KLF12: variants seen among roughly 807,000 people sequenced by gnomAD.
KLF12 encodes KLF transcription factor 12, also known as Krueppel-like factor 12.
A neutral mutation model predicts 37.8 loss-of-function variants in KLF12; 9 were observed. The ratio of observed to expected loss-of-function variants is 0.24; its 90% CI spans 0.14 to 0.42. The LOEUF (loss-of-function observed/expected upper bound fraction) is 0.42. KLF12 is among the 10% of genes least tolerant of loss of function. The pLI is 1.00. For missense variants in KLF12, 411 were observed against 516.0 expected, an observed-to-expected ratio of 0.80 and a Z score of 1.97; for synonymous variants, 208 against 202.1, an observed-to-expected ratio of 1.03 and a Z score of -0.25.
chr13:74,066,302 T>C (rs1873912454), intron 1 of KLF12, among the ~76,000 whole-genome samples: 1 of 152,214 alleles, frequency 6.6e-6, no homozygotes, highest in Admixed American at 6.5e-5. Context: ...CACACTTTTC[T>C]TTATCCATAG....
chr13:74,260,129 C>A, the KLF12 span, among the ~76,000 whole-genome samples: 1 of 152,050 alleles, frequency 6.6e-6, no homozygotes, highest in African/African-American at 2.4e-5. Flanking sequence ...AAACTAAATA[C>A]ACACACACTC....
chr13:74,032,511 C>A (rs1893139749), intron 1 of KLF12, among the ~76,000 whole-genome samples: 1 of 152,134 alleles, frequency 6.6e-6, no homozygotes, highest in African/African-American at 2.4e-5. Flanking sequence ...ATTTTGCCTA[C>A]AGAACGTGTT....
chr13:73,858,559 T>C (rs1395146501), intron 3 of KLF12, among the ~76,000 whole-genome samples: 1 of 152,172 alleles, frequency 6.6e-6, no homozygotes, highest in African/African-American at 2.4e-5. Context: ...ATCTGGGTAT[T>C]ACAAGGCCTT....
chr13:73,755,103 T>C (rs7318632), intron 6 of KLF12, among the ~76,000 whole-genome samples: 4,687 of 152,262 alleles, frequency 0.031, 216 homozygotes, highest in African/African-American at 0.1. Context: ...AAGAGTACAA[T>C]ATAATTCAGA....
chr13:74,188,785 C>T, the KLF12 span, among the ~76,000 whole-genome samples: 1 of 152,064 alleles, frequency 6.6e-6, no homozygotes, highest in Non-Finnish European at 1.5e-5. Flanking sequence ...CACTTGAGGC[C>T]AGGAGTTCAA....
At chr13:74,028,430 C>T (rs886984766) in intron 1 of KLF12, among the ~76,000 whole-genome samples, 11 of 152,078 alleles carry the variant, frequency 7.2e-5, no homozygotes. Flanking sequence ...GTAAAGTATA[C>T]AAAAACTTCT....
intron 5 of KLF12, among the ~76,000 whole-genome samples, chr13:73,776,856 G>C (rs1370425178): frequency 6.6e-6 from 1 of 152,046 alleles, no homozygotes; most frequent in Non-Finnish European, 1.5e-5. Flanking sequence ...AAAAATACAT[G>C]AACAGGAAGG....
chr13:73,688,842 C>G lies in KLF12; in HGVS notation c.*6648G>C, dbSNP rs895165899. The stretch of plus-strand genomic sequence containing the variant: ...TCTGGGAAGGTGGTTTCGGGACACC[C>G]ACGTGCAGTGTGGTGGAGTGGGAAA... On this transcript the variant is annotated 3_prime_UTR_variant, in exon 8 of 8. Transcript: ENST00000377669. 6.6e-6 allele frequency: 1 copy of G among 152,108 alleles called. No homozygotes were observed. The allele number at this position is 152,108 out of a possible 1,614,324, so 9.4% of individuals were successfully genotyped here. A position where few individuals can be genotyped will look rare whatever the true frequency, so the allele number is the denominator to read the frequency against.
At chr13:73,875,360 T>G (rs1886656988) in intron 3 of KLF12, among the ~76,000 whole-genome samples, 1 of 152,072 alleles carries the variant, frequency 6.6e-6, no homozygotes, top group Non-Finnish European at 1.5e-5. Flanking sequence ...ATTTCCACCA[T>G]GATTTTTTGA....
intron 1 of KLF12, among the ~76,000 whole-genome samples, chr13:74,039,341 G>T (rs1306581162): frequency 6.6e-6 from 1 of 152,070 alleles, no homozygotes; most frequent in Non-Finnish European, 1.5e-5. Context: ...TTTGAGACCA[G>T]CCTGGGCAAC....
chr13:74,243,210 G>T, the KLF12 span, among the ~76,000 whole-genome samples: 1 of 152,040 alleles, frequency 6.6e-6, no homozygotes, highest in Non-Finnish European at 1.5e-5. Context: ...GCGGTGTTTG[G>T]TTTTCTGTTC....
At chr13:74,241,519 A>C in the KLF12 span, among the ~76,000 whole-genome samples, 7 of 152,222 alleles carry the variant, frequency 4.6e-5, no homozygotes, top group Non-Finnish European at 1.0e-4. Flanking sequence ...AAACCTGGGC[A>C]ATGGCGGGCG....
chr13:73,932,725 TA>T (rs1469083223), intron 3 of KLF12, among the ~76,000 whole-genome samples: 3 of 152,148 alleles, frequency 2.0e-5, no homozygotes, highest in African/African-American at 4.8e-5. Context: ...TGTAGTAAAA[TA>T]TTTTTTAATC....
intron 3 of KLF12, among the ~76,000 whole-genome samples, chr13:73,851,940 C>T (rs977068108): frequency 6.6e-6 from 1 of 152,122 alleles, no homozygotes; most frequent in Non-Finnish European, 1.5e-5. Context: ...AGTTTTGGTG[C>T]CTGGGTTTCC....
At chr13:73,921,017 G>C (rs1357618288) in intron 3 of KLF12, among the ~76,000 whole-genome samples, 1 of 152,062 alleles carries the variant, frequency 6.6e-6, no homozygotes, top group Non-Finnish European at 1.5e-5. Flanking sequence ...GAGATTAACT[G>C]ATAGGAAAGG....
the KLF12 span, among the ~76,000 whole-genome samples, chr13:74,243,318 T>C: frequency 6.6e-6 from 1 of 152,182 alleles, no homozygotes; most frequent in Non-Finnish European, 1.5e-5. Context: ...TATTCCATGG[T>C]GTATATGTGC....
chr13:73,809,000 A>T (rs762650608), intron 5 of KLF12, among the ~76,000 whole-genome samples: 2 of 152,186 alleles, frequency 1.3e-5, no homozygotes, highest in African/African-American at 4.8e-5. Context: ...ATAAGAGGCA[A>T]ATGTCTGAAT....
the KLF12 span, among the ~76,000 whole-genome samples, chr13:74,175,587 G>A: frequency 6.6e-6 from 1 of 151,998 alleles, no homozygotes; most frequent in Non-Finnish European, 1.5e-5. Context: ...CCCAATCCAG[G>A]GCCCAATATA....
At chr13:74,180,937 T>A in the KLF12 span, among the ~76,000 whole-genome samples, 1 of 152,190 alleles carries the variant, frequency 6.6e-6, no homozygotes, top group Non-Finnish European at 1.5e-5. Flanking sequence ...TTTTAAAAGG[T>A]GATTTACCAA....
Sources: allele counts gnomAD v4.1 joint callset (sites outside exome capture counted in the v4.1 genomes callset), GRCh38; gene constraint gnomAD v4.1.1; transcripts MANE v1.5; gene names NCBI Gene and HGNC (gene_info 2026-07-23, HGNC 2026-07-21).